The following CREB5 variants were observed in gnomAD, a reference collection of about 807,000 sequenced individuals.
CREB5 encodes the protein cAMP responsive element binding protein 5.
A neutral mutation model predicts 57.1 loss-of-function variants in CREB5; 19 were observed. That is an observed-to-expected ratio of 0.33 (90% CI 0.23 to 0.49). CREB5 has a LOEUF of 0.49. CREB5 is among the 20% of genes least tolerant of loss of function. CREB5 has a pLI of 0.99. For synonymous variants in CREB5, 238 were observed against 238.3 expected, an observed-to-expected ratio of 1.00 and a Z score of 0.01; for missense variants, 579 against 671.6, an observed-to-expected ratio of 0.86 and a Z score of 1.52.
chr7:28,644,545 A>G (rs903462043), intron 5 of CREB5, among the ~76,000 whole-genome samples: 3 of 150,044 alleles, frequency 2.0e-5, no homozygotes, highest in African/African-American at 5.1e-5. Flanking sequence ...AACAAAGAAC[A>G]TTATCTGTGA....
chr7:28,561,031 T>A (rs1434873855), intron 4 of CREB5, among the ~76,000 whole-genome samples: 2 of 95,710 alleles, frequency 2.1e-5, no homozygotes, highest in Admixed American at 2.7e-4. Context: ...TGTGCGTGTG[T>A]GTGTGTGTGT....
At chr7:28,751,054 T>C (rs535105194) in intron 7 of CREB5, among the ~76,000 whole-genome samples, 1 of 152,236 alleles carries the variant, frequency 6.6e-6, no homozygotes, top group South Asian at 2.1e-4. Flanking sequence ...GTGAAAGGTT[T>C]CCGTTTAGAT....
chr7:28,740,591 C>A (rs1804275030), intron 7 of CREB5, among the ~76,000 whole-genome samples: 4 of 152,090 alleles, frequency 2.6e-5, no homozygotes, highest in Non-Finnish European at 5.9e-5. Context: ...ATAGCCTGTG[C>A]TGAGAGGAAA....
intron 5 of CREB5, among the ~76,000 whole-genome samples, chr7:28,611,728 C>A (rs182527971): frequency 1.3e-5 from 2 of 149,108 alleles, no homozygotes; most frequent in Non-Finnish European, 1.5e-5. Context: ...TATATATGTG[C>A]GAGGTAGGGA....
chr7:28,430,468 C>T (rs1330195273), intron 1 of CREB5, among the ~76,000 whole-genome samples: 2 of 152,112 alleles, frequency 1.3e-5, no homozygotes, highest in African/African-American at 2.4e-5. Flanking sequence ...CAAGAGGAGT[C>T]GATGGCCATG....
At chr7:28,630,113 C>G (rs955572970) in intron 5 of CREB5, among the ~76,000 whole-genome samples, 2 of 152,160 alleles carry the variant, frequency 1.3e-5, no homozygotes, top group African/African-American at 4.8e-5. Flanking sequence ...CTGAACTGTT[C>G]CTGAATCGTT....
intron 5 of CREB5, among the ~76,000 whole-genome samples, chr7:28,684,652 C>A (rs1345406046): frequency 6.6e-6 from 1 of 152,004 alleles, no homozygotes; most frequent in East Asian, 1.9e-4. Context: ...CGTGCAGAGA[C>A]AATGTTTGTC....
At chr7:28,619,723 T>C (rs1340764947) in intron 5 of CREB5, among the ~76,000 whole-genome samples, 1 of 152,090 alleles carries the variant, frequency 6.6e-6, no homozygotes, top group Non-Finnish European at 1.5e-5. Flanking sequence ...TAAGCCCACC[T>C]CTGTTACTCC....
intron 7 of CREB5, among the ~76,000 whole-genome samples, chr7:28,746,597 T>A (rs2128760786): frequency 6.6e-6 from 1 of 152,342 alleles, no homozygotes; most frequent in East Asian, 1.9e-4. Flanking sequence ...AAGATTTGAA[T>A]TATCTTCTCT....
At chr7:28,310,170 G>A (rs757914863) in intron 1 of CREB5, among the ~76,000 whole-genome samples, 5 of 152,250 alleles carry the variant, frequency 3.3e-5, no homozygotes, top group South Asian at 2.1e-4. Context: ...GTGTCCTTGC[G>A]GATGGAGAAA....
chr7:28,740,570 C>CA (rs59001048), intron 7 of CREB5, among the ~76,000 whole-genome samples: 4,032 of 151,678 alleles, frequency 0.027, 174 homozygotes, highest in African/African-American at 0.092. Flanking sequence ...ATCGTCTTAG[C>CA]AAAAAAAATT....
chr7:28,634,519 A>G (rs1456530457), intron 5 of CREB5, among the ~76,000 whole-genome samples: 1 of 152,064 alleles, frequency 6.6e-6, no homozygotes, highest in Non-Finnish European at 1.5e-5. Context: ...TTGCTCAAAA[A>G]CCTTAGATGG....
intron 1 of CREB5, among the ~76,000 whole-genome samples, chr7:28,391,622 T>C (rs1420298772): frequency 6.6e-6 from 1 of 152,226 alleles, no homozygotes; most frequent in African/African-American, 2.4e-5. Context: ...TTGGCATCCC[T>C]CAGTGTGCTT....
intron 1 of CREB5, among the ~76,000 whole-genome samples, chr7:28,312,856 C>T (rs981709209): frequency 7.9e-5 from 12 of 152,122 alleles, no homozygotes; most frequent in African/African-American, 2.4e-4. Flanking sequence ...TGCCAGTGGT[C>T]AAGCCTGAGT....
intron 5 of CREB5, among the ~76,000 whole-genome samples, chr7:28,602,728 G>C (rs1272886184): frequency 1.3e-5 from 2 of 152,204 alleles, no homozygotes; most frequent in African/African-American, 4.8e-5. Context: ...GGCTGGAGTT[G>C]AATCTATGGG....
Position 28,718,747 on chromosome 7 carries a change from T to C in CREB5, c.465-6T>C, listed in dbSNP as rs764605599. ...TCATGTTTGTTTGTTTTTTTCTTTG[T>C]CCCAGGCCTGTCCCAGGCTCTCTAT... is the stretch of plus-strand genomic sequence containing the variant. On this transcript the variant is annotated splice_region_variant and splice_polypyrimidine_tract_variant and intron_variant, in intron 5 of 10. Transcript: ENST00000357727. The C allele has an allele frequency of 6.2e-6, 10 of 1,613,682 alleles. No individual in the cohort carries two copies. The Admixed American group carries it at 1.5e-4, about 24-fold the overall frequency.
chr7:28,403,981 G>C lies in CREB5; in HGVS notation c.-24-90925G>C, dbSNP rs559582460. On this transcript the variant is annotated intron_variant, in intron 1 of 9. Transcript: ENST00000396299. ...CTGCTAGTTTTAAATGTAAATATAA[G>C]ATCACTTAACTTGTATGTGAAATCA... Among the ~76,000 whole-genome samples the C allele has an allele frequency of 6.6e-4, 100 of 152,210 alleles. 1 individual carries two copies. The highest frequency in any genetic ancestry group is 2.2e-3 in the African/African-American group (91 of 41,522).
At chr7:28,573,112 G>A (rs1441188146) in intron 5 of CREB5, among the ~76,000 whole-genome samples, 1 of 152,096 alleles carries the variant, frequency 6.6e-6, no homozygotes, top group Non-Finnish European at 1.5e-5. Flanking sequence ...TCTCACCAGT[G>A]GATTCAGTAT....
At chr7:28,299,748 CATTT>C (rs1178361025) in intron 1 of CREB5, among the ~76,000 whole-genome samples, 3 of 152,200 alleles carry the variant, frequency 2.0e-5, no homozygotes, top group Admixed American at 2.0e-4. Flanking sequence ...ACCCAACAAA[CATTT>C]ATTTAACATT....
Sources: gnomAD v4.1 joint callset for allele counts (sites outside exome capture counted in the v4.1 genomes callset) on GRCh38, gnomAD v4.1.1 for gene constraint, MANE v1.5 for transcripts, NCBI Gene and HGNC (gene_info 2026-07-23, HGNC 2026-07-21) for gene names.